The following PTPRR variants were observed in gnomAD, a reference collection of about 807,000 sequenced individuals.
The protein encoded by PTPRR is receptor-type tyrosine-protein phosphatase R.
PTPRR carries 38 observed loss-of-function variants against 77.2 expected under a neutral mutation model. That is an observed-to-expected ratio of 0.49 (90% CI 0.38 to 0.65). The LOEUF (loss-of-function observed/expected upper bound fraction) is 0.65, where lower values mean the gene tolerates loss of function less well. PTPRR is among the 30% of genes least tolerant of loss of function. The pLI is 0.00. For synonymous variants in PTPRR, 299 were observed against 283.1 expected, an observed-to-expected ratio of 1.06 and a Z score of -0.57; for missense variants, 744 against 799.2, an observed-to-expected ratio of 0.93 and a Z score of 0.83.
At chr12:70,773,423 C>T (rs929457874) in intron 2 of PTPRR, among the ~76,000 whole-genome samples, 8 of 152,084 alleles carry the variant, frequency 5.3e-5, no homozygotes, top group African/African-American at 1.4e-4. Context: ...ACATTTTCTT[C>T]TGTTTTCTTT....
intron 2 of PTPRR, among the ~76,000 whole-genome samples, chr12:70,771,311 C>T (rs1890971144): frequency 6.6e-6 from 1 of 152,100 alleles, no homozygotes; most frequent in Non-Finnish European, 1.5e-5. Flanking sequence ...AAACCATATA[C>T]TGCATGTTCT....
chr12:70,726,202 T>C (rs1253268925), intron 6 of PTPRR, among the ~76,000 whole-genome samples: 2 of 151,962 alleles, frequency 1.3e-5, no homozygotes, highest in African/African-American at 4.8e-5. Flanking sequence ...TCAAGAAAAT[T>C]ATACAAAAAA....
chr12:70,733,631 G>T (rs991283273), intron 6 of PTPRR, among the ~76,000 whole-genome samples: 15 of 152,106 alleles, frequency 9.9e-5, no homozygotes, highest in African/African-American at 3.1e-4. Context: ...TGAGAACAGT[G>T]CTCTCTCCAT....
intron 2 of PTPRR, among the ~76,000 whole-genome samples, chr12:70,773,882 A>G (rs1449463014): frequency 6.6e-6 from 1 of 152,254 alleles, no homozygotes; most frequent in African/African-American, 2.4e-5. Context: ...TGCAGAAAGT[A>G]AGACTTGAAG....
At chr12:70,824,184 A>G (rs1035152857) in intron 2 of PTPRR, among the ~76,000 whole-genome samples, 1 of 152,162 alleles carries the variant, frequency 6.6e-6, no homozygotes, top group African/African-American at 2.4e-5. Flanking sequence ...GCAGCTCAGC[A>G]TGCTGTGTTG....
At chr12:70,854,666 A>G (rs1355961707) in intron 2 of PTPRR, among the ~76,000 whole-genome samples, 2 of 152,242 alleles carry the variant, frequency 1.3e-5, no homozygotes, top group African/African-American at 4.8e-5. Context: ...CAGAGGGTAG[A>G]GGCTGGCTCT....
intron 1 of PTPRR, among the ~76,000 whole-genome samples, chr12:70,896,168 G>A (rs35568202): frequency 0.17 from 25,944 of 151,500 alleles, 2,313 homozygotes; most frequent in Non-Finnish European, 0.19. Flanking sequence ...ATGATGCAAT[G>A]TACATAAGAA....
At chr12:70,639,380 A>G (rs1885909892) in intron 13 of PTPRR, 103 bp from the exon 14 acceptor site, 2 of 1,434,712 alleles carry the variant, frequency 1.4e-6, no homozygotes, top group Non-Finnish European at 1.9e-6. Context: ...AAAGACACAT[A>G]GAACAGTCGA....
At chr12:70,666,492 T>G (rs1887001356) in intron 10 of PTPRR, among the ~76,000 whole-genome samples, 1 of 152,152 alleles carries the variant, frequency 6.6e-6, no homozygotes, top group Non-Finnish European at 1.5e-5. Context: ...TAATTACATA[T>G]TACAGAAATC....
Position 70,911,086 on chromosome 12 carries a change from T to C in PTPRR, c.58+9247A>G, listed in dbSNP as rs192883228. On this transcript the variant is annotated intron_variant, in intron 1 of 13. Transcript: ENST00000283228. The stretch of plus-strand genomic sequence containing the variant: ...TTTAGGGGAGTGGTGAGTAGTTCAA[T>C]GAATAGGTTGTGGCTGCATGTGACC... Among the ~76,000 whole-genome samples the C allele has an allele frequency of 2.2e-3, 328 of 152,220 alleles. 1 individual carries two copies. The highest frequency in any genetic ancestry group is 7.6e-3 in the African/African-American group (317 of 41,546).
Position 70,739,075 on chromosome 12 carries a change from A to G in PTPRR, c.1007+6743T>C, listed in dbSNP as rs544431655. On this transcript the variant is annotated intron_variant, in intron 6 of 13. Transcript: ENST00000283228. Reference sequence around the variant, plus strand: ...AATTACATGTAACTGTATATTTACAAATAGGATGAACAAAACTATGTTAAT... The same window carrying G: ...AATTACATGTAACTGTATATTTACAGATAGGATGAACAAAACTATGTTAAT... 7.2e-5 allele frequency among the ~76,000 whole-genome samples: 11 copies of G among 152,348 alleles called. No homozygotes were observed. The South Asian group carries it at 1.9e-3, about 26-fold the overall frequency.
intron 2 of PTPRR, among the ~76,000 whole-genome samples, chr12:70,786,282 G>A (rs960331955): frequency 5.9e-5 from 9 of 152,240 alleles, no homozygotes; most frequent in Admixed American, 1.3e-4. Flanking sequence ...TGATTACTTC[G>A]AAGAGGCTTT....
intron 2 of PTPRR, among the ~76,000 whole-genome samples, chr12:70,835,697 A>G (rs2137054681): frequency 6.6e-6 from 1 of 152,258 alleles, no homozygotes; most frequent in South Asian, 2.1e-4. Context: ...TCTAGTTCCA[A>G]GCTTTCATGC....
At chr12:70,914,459 C>A (rs886852320) in intron 1 of PTPRR, among the ~76,000 whole-genome samples, 1 of 152,050 alleles carries the variant, frequency 6.6e-6, no homozygotes, top group Non-Finnish European at 1.5e-5. Context: ...TGTCTCAAGG[C>A]AGTGACATGA....
chr12:70,661,270 C>T, intron 11 of PTPRR, 173 bp from the exon 12 acceptor site: 1 of 763,848 alleles, frequency 1.3e-6, no homozygotes. Context: ...GAAGACTTTA[C>T]TGTCAGTAAC....
At chr12:70,902,847 A>G (rs1893561521) in intron 1 of PTPRR, among the ~76,000 whole-genome samples, 1 of 151,808 alleles carries the variant, frequency 6.6e-6, no homozygotes, top group Non-Finnish European at 1.5e-5. Context: ...GAACTTACCC[A>G]TGTAACAAAA....
chr12:70,655,603 C>T (rs1323462356), intron 13 of PTPRR, among the ~76,000 whole-genome samples: 1 of 152,074 alleles, frequency 6.6e-6, no homozygotes, highest in East Asian at 1.9e-4. Flanking sequence ...CATAGATGAA[C>T]CTTGAGGATA....
In PTPRR at chr12:70,639,097, A is replaced by T; in HGVS notation, c.*87T>A. Reference sequence around the variant, plus strand: ...GGCTTCAGAGCTTCTCCTTCCTTCCATTGCAGGAAGCTCCTTCTAGAAGCC... The same window carrying T: ...GGCTTCAGAGCTTCTCCTTCCTTCCTTTGCAGGAAGCTCCTTCTAGAAGCC... On this transcript the variant is annotated 3_prime_UTR_variant, in exon 14 of 14. Transcript: ENST00000283228. The T allele has an allele frequency of 8.9e-7, 1 of 1,127,966 alleles. No individual in the cohort carries two copies. Among genetic ancestry groups the T allele is most frequent in the South Asian group, 1.3e-5 (1 of 74,692 alleles). 69.9% of individuals were successfully genotyped at this position (1,127,966 alleles called of 1,614,324 possible). A position where few individuals can be genotyped will look rare whatever the true frequency, so the allele number is the denominator to read the frequency against.
chr12:70,832,148 G>T (rs1892224390), intron 2 of PTPRR, among the ~76,000 whole-genome samples: 1 of 152,206 alleles, frequency 6.6e-6, no homozygotes, highest in South Asian at 2.1e-4. Context: ...CCATATGCTG[G>T]ACGCTCTGTG....
Sources: gnomAD v4.1 joint callset for allele counts (sites outside exome capture counted in the v4.1 genomes callset) on GRCh38, gnomAD v4.1.1 for gene constraint, MANE v1.5 for transcripts, NCBI Gene and HGNC (gene_info 2026-07-23, HGNC 2026-07-21) for gene names.